Variants in RAB11FIP3 observed in about 807,000 individuals in gnomAD.
The protein encoded by RAB11FIP3 is RAB11 family interacting protein 3, also known as rab11 family-interacting protein 3.
A neutral mutation model predicts 77.8 loss-of-function variants in RAB11FIP3; 17 were observed. The ratio of observed to expected loss-of-function variants is 0.22; its 90% CI spans 0.15 to 0.33. The LOEUF (loss-of-function observed/expected upper bound fraction) is 0.33, where lower values mean the gene tolerates loss of function less well. Ranked by LOEUF, RAB11FIP3 falls within the 10% of genes least tolerant of loss-of-function variation. RAB11FIP3 has a pLI of 1.00. For missense variants in RAB11FIP3, 1,005 were observed against 1,011.2 expected (o/e 0.99, Z 0.08); for synonymous variants, 437 against 448.2 (o/e 0.98, Z 0.31).
intron 5 of RAB11FIP3, among the ~76,000 whole-genome samples, chr16:494,529 G>A (rs775836740): frequency 1.4e-4 from 22 of 152,080 alleles, no homozygotes; most frequent in Admixed American, 3.3e-4. Flanking sequence ...GGCTGAGGCC[G>A]GAGAATGGCG....
chr16:434,297 AT>A (rs2055090961), intron 1 of RAB11FIP3, among the ~76,000 whole-genome samples: 1 of 151,932 alleles, frequency 6.6e-6, no homozygotes, highest in Non-Finnish European at 1.5e-5. Flanking sequence ...AATTTTTTGT[AT>A]TTTTAGTAGA....
At chr16:470,802 AAAAG>A (rs2055794662) in intron 2 of RAB11FIP3, among the ~76,000 whole-genome samples, 1 of 152,224 alleles carries the variant, frequency 6.6e-6, no homozygotes, top group Non-Finnish European at 1.5e-5. Flanking sequence ...GATAAGCAAA[AAAAG>A]AAAATAAAAT....
At chr16:508,333 G>T (rs750074226) in intron 8 of RAB11FIP3, among the ~76,000 whole-genome samples, 11 of 152,126 alleles carry the variant, frequency 7.2e-5, no homozygotes, top group South Asian at 2.1e-4. Flanking sequence ...ATTATTTGCC[G>T]TGCTGTGCAC....
Position 441,247 on chromosome 16 carries a change from A to G in RAB11FIP3, c.714+14527A>G, listed in dbSNP as rs539671467. Among the ~76,000 whole-genome samples, 109 of 152,114 alleles carry G rather than the reference A, an allele frequency of 7.2e-4. 2 individuals are homozygous for G. The South Asian group carries it at 9.1e-3, about 13-fold the overall frequency. The stretch of plus-strand genomic sequence containing the variant: ...CACCGTCGCCATCGCGCCTGGCCCT[A>G]TTTTTCTTCAAGCCTGTTCCTGATC... On this transcript the variant is annotated intron_variant, in intron 1 of 13. Coordinates refer to ENST00000262305, the MANE Select transcript of RAB11FIP3 (RefSeq NM_014700.4).
At chr16:430,637 C>A (rs781651515) in intron 1 of RAB11FIP3, among the ~76,000 whole-genome samples, 1 of 152,110 alleles carries the variant, frequency 6.6e-6, no homozygotes, top group South Asian at 2.1e-4. Context: ...TCACTGCAAC[C>A]TCCACCTCCT....
chr16:429,103 G>A (rs2054996756), intron 1 of RAB11FIP3, among the ~76,000 whole-genome samples: 2 of 152,116 alleles, frequency 1.3e-5, no homozygotes, highest in Non-Finnish European at 1.5e-5. Context: ...ATTTCTTAAA[G>A]CTAAGTTACT....
At chr16:479,568 G>T (rs2141716675) in intron 3 of RAB11FIP3, among the ~76,000 whole-genome samples, 1 of 152,236 alleles carries the variant, frequency 6.6e-6, no homozygotes, top group East Asian at 1.9e-4. Flanking sequence ...TGAGCCAGGT[G>T]TGGTGGCACC....
chr16:494,759 G>A (rs1180938492), intron 5 of RAB11FIP3, among the ~76,000 whole-genome samples: 1 of 100,328 alleles, frequency 1.0e-5, no homozygotes, highest in Non-Finnish European at 2.3e-5. Flanking sequence ...TGCTTTGGGA[G>A]GCTGAGGTGG....
intron 5 of RAB11FIP3, 77 bp from the exon 6 acceptor site, chr16:496,747 A>C: frequency 6.9e-7 from 1 of 1,459,430 alleles, no homozygotes; most frequent in Non-Finnish European, 9.6e-7. Flanking sequence ...GTATCTCCAC[A>C]GCCTGAGTTT....
At chr16:459,220 G>A (rs750258590) in intron 1 of RAB11FIP3, among the ~76,000 whole-genome samples, 7 of 149,392 alleles carry the variant, frequency 4.7e-5, no homozygotes, top group Middle Eastern at 3.5e-3. Flanking sequence ...TCCACCTCCC[G>A]GATTCAAGCA....
intron 6 of RAB11FIP3, among the ~76,000 whole-genome samples, chr16:497,800 G>T (rs2031252616): frequency 6.6e-6 from 1 of 152,086 alleles, no homozygotes; most frequent in Non-Finnish European, 1.5e-5. Flanking sequence ...TTTGTACTGT[G>T]AGAGTGGGAT....
intron 1 of RAB11FIP3, among the ~76,000 whole-genome samples, chr16:437,190 AT>A (rs754991631): frequency 7.2e-5 from 11 of 151,998 alleles, no homozygotes; most frequent in Non-Finnish European, 1.5e-4. Context: ...AGGCAGGAGA[AT>A]CGTTTGAACC....
intron 5 of RAB11FIP3, among the ~76,000 whole-genome samples, chr16:492,103 G>A (rs1041549546): frequency 6.6e-6 from 1 of 152,238 alleles, no homozygotes. Flanking sequence ...GCCCCAGGGG[G>A]CTTCTGCCGA....
intron 5 of RAB11FIP3, among the ~76,000 whole-genome samples, chr16:489,427 A>G (rs1596265533): frequency 6.6e-6 from 1 of 152,234 alleles, no homozygotes; most frequent in Non-Finnish European, 1.5e-5. Flanking sequence ...AAATAGAAGC[A>G]CAACACGCAG....
rs755675032 is a variant in RAB11FIP3 at position 426,557 on chromosome 16, C to G, written c.551C>G (p.Pro184Arg). 8.2e-6 allele frequency: 13 copies of G among 1,586,488 alleles called. No homozygotes were observed. The highest frequency in any genetic ancestry group is 1.1e-5 in the Non-Finnish European group (13 of 1,168,422). ...CAAGGTCCCGGGTCCCCGCCGCAGC[C>G]CTCGGACCTCAGCCAGACCCACCCC... ...LEQGPGSPPQ[P>R]SDLSQTHPLP... is the part of the protein sequence containing the mutation. The change falls in exon 1 of 14, where the codon CCC becomes CGC. Residue 184 changes from proline to arginine, a missense_variant. Pro to Arg is a moderately radical substitution (Grantham distance 103). Around this residue, in one of 4 missense-constraint regions of RAB11FIP3, gnomAD observed 466 missense variants for 408.3 expected, o/e 1.14. Transcript: ENST00000262305. This position sits in a 1 kb window ranked among gnomAD's most constrained non-coding sequence, Gnocchi z 5.0.
intron 3 of RAB11FIP3, among the ~76,000 whole-genome samples, chr16:474,016 C>G (rs1253748775): frequency 3.9e-5 from 6 of 152,026 alleles, no homozygotes; most frequent in African/African-American, 1.2e-4. Context: ...TCTTGCTTTG[C>G]TTTTTAAGGG....
At chr16:482,842 A>T in intron 4 of RAB11FIP3, 106 bp downstream of exon 4, 1 of 1,232,322 alleles carries the variant, frequency 8.1e-7, no homozygotes, top group Non-Finnish European at 1.1e-6. Context: ...GCTGGTTAGC[A>T]TCCATTATGT....
intron 1 of RAB11FIP3, among the ~76,000 whole-genome samples, chr16:432,429 A>G (rs2055052447): frequency 6.6e-6 from 1 of 152,118 alleles, no homozygotes; most frequent in Non-Finnish European, 1.5e-5. Context: ...AGATAAAATA[A>G]GAAAAATAAG....
Position 426,955 on chromosome 16 carries a change from C to T in RAB11FIP3, c.714+235C>T, listed in dbSNP as rs2054957319. ...CTATTCTGGGGAGTCAGTTTCTTCC[C>T]CTCCCCCCAGCGCCTCGTCAGCTGG... On this transcript the variant is annotated intron_variant, in intron 1 of 13. Transcript: ENST00000262305. This position sits in a 1 kb window ranked among gnomAD's most constrained non-coding sequence, Gnocchi z 5.0. 6.6e-6 allele frequency among the ~76,000 whole-genome samples: 1 copy of T among 152,130 alleles called. No homozygotes were observed. Among genetic ancestry groups the T allele is most frequent in the East Asian group, 1.9e-4 (1 of 5,178 alleles).
Sources: gnomAD v4.1 joint callset for allele counts (sites outside exome capture counted in the v4.1 genomes callset) on GRCh38, gnomAD v4.1.1 for gene constraint, gnomAD v4.1.1 regional missense constraint, Gnocchi (gnomAD v3.1) non-coding constraint, MANE v1.5 for transcripts, NCBI Gene and HGNC (gene_info 2026-07-23, HGNC 2026-07-21) for gene names.